Variants in PLCE1 observed in about 807,000 individuals in gnomAD.
PLCE1 encodes the protein 1-phosphatidylinositol 4,5-bisphosphate phosphodiesterase epsilon-1.
PLCE1 carries 119 observed loss-of-function variants against 242.8 expected under a neutral mutation model. The ratio of observed to expected loss-of-function variants is 0.49; its 90% CI spans 0.42 to 0.57. PLCE1 has a LOEUF of 0.57. Ranked by LOEUF, PLCE1 falls within the 20% of genes least tolerant of loss-of-function variation. The probability of loss-of-function intolerance (pLI) is 0.00; values close to 1 mark genes in which losing one functional copy is unlikely to be tolerated. For synonymous variants in PLCE1, 945 were observed against 1,017.4 expected, an observed-to-expected ratio of 0.93 and a Z score of 1.35; for missense variants, 2,441 against 2,788.8, an observed-to-expected ratio of 0.88 and a Z score of 2.81.
At chr10:94,086,669 T>C (rs544791536) in intron 2 of PLCE1, among the ~76,000 whole-genome samples, 23 of 152,310 alleles carry the variant, frequency 1.5e-4, no homozygotes, top group Non-Finnish European at 2.1e-4. Flanking sequence ...TATAATTGAA[T>C]GTATGGGTTG....
intron 20 of PLCE1, chr10:94,283,292 A>G (rs1304039841): frequency 6.4e-6 from 1 of 156,198 alleles, no homozygotes; most frequent in Non-Finnish European, 1.4e-5. Flanking sequence ...ATTGCACCCA[A>G]TAATAAGTCT....
chr10:94,239,405 A>G (rs1490692044), intron 7 of PLCE1, among the ~76,000 whole-genome samples: 1 of 152,182 alleles, frequency 6.6e-6, no homozygotes, highest in Non-Finnish European at 1.5e-5. Flanking sequence ...CCACCTTGTG[A>G]AGAGGATGCA....
At chr10:94,252,125 C>T (rs775645508) in intron 8 of PLCE1, among the ~76,000 whole-genome samples, 191 bp from the exon 9 acceptor site, 3 of 152,178 alleles carry the variant, frequency 2.0e-5, no homozygotes, top group Admixed American at 6.5e-5. Context: ...ACCAGGACAA[C>T]GGGGGACATG....
At chr10:94,185,386 C>G (rs1011388247) in intron 4 of PLCE1, among the ~76,000 whole-genome samples, 1 of 152,166 alleles carries the variant, frequency 6.6e-6, no homozygotes, top group Non-Finnish European at 1.5e-5. Flanking sequence ...ATCCCAGCTA[C>G]TTGGGAGTCT....
At chr10:94,262,086 C>T (rs749854947) in intron 13 of PLCE1, among the ~76,000 whole-genome samples, 35 of 151,536 alleles carry the variant, frequency 2.3e-4, no homozygotes, top group African/African-American at 7.5e-4. Context: ...CTGCAACCGC[C>T]GCCTCCTGGG....
At chr10:94,174,775 A>G (rs913489767) in intron 4 of PLCE1, among the ~76,000 whole-genome samples, 1 of 152,198 alleles carries the variant, frequency 6.6e-6, no homozygotes, top group Non-Finnish European at 1.5e-5. Context: ...AAATTGAGGA[A>G]CTGTTAAAGG....
intron 3 of PLCE1, among the ~76,000 whole-genome samples, chr10:94,163,774 T>C (rs966918071): frequency 6.6e-6 from 1 of 152,204 alleles, no homozygotes; most frequent in African/African-American, 2.4e-5. Flanking sequence ...CAATTTGGCA[T>C]GTTTTTGCGG....
intron 24 of PLCE1, among the ~76,000 whole-genome samples, chr10:94,299,616 G>A (rs189738053): frequency 5.9e-5 from 9 of 152,266 alleles, no homozygotes; most frequent in African/African-American, 9.6e-5. Flanking sequence ...TTCATCTCGC[G>A]TGAACTGAAT....
intron 2 of PLCE1, among the ~76,000 whole-genome samples, chr10:94,103,072 G>A (rs1331491681): frequency 1.3e-5 from 2 of 152,160 alleles, no homozygotes; most frequent in African/African-American, 4.8e-5. Flanking sequence ...TCTAAAGATA[G>A]ATATACCAAA....
chr10:94,235,870 A>G, intron 6 of PLCE1, 45 bp from the exon 7 acceptor site: 3 of 1,532,522 alleles, frequency 2.0e-6, no homozygotes, highest in African/African-American at 2.7e-5. Flanking sequence ...TATGTTATCC[A>G]GGCATATTAA....
intron 4 of PLCE1, among the ~76,000 whole-genome samples, chr10:94,183,188 C>T (rs935083077): frequency 6.6e-6 from 1 of 152,102 alleles, no homozygotes; most frequent in African/African-American, 2.4e-5. Flanking sequence ...CATGTGAGAG[C>T]CAAGGAGGAA....
rs113302233 is a variant in PLCE1 at position 94,003,755 on chromosome 10, G to A, written c.-365+9497G>A. Among the ~76,000 whole-genome samples the A allele has an allele frequency of 5.0e-3, 758 of 152,234 alleles. 9 individuals carry two copies. The highest frequency in any genetic ancestry group is 0.017 in the African/African-American group (701 of 41,532). ...GAGAATGAAGTGCACACCATGGATT[G>A]GGTAATTGGGGCTTGTGCTCTTGTA... On this transcript the variant is annotated intron_variant, in intron 1 of 32. Coordinates refer to ENST00000371380, the MANE Select transcript of PLCE1 (RefSeq NM_016341.4).
At chr10:94,151,381 G>C (rs1564735436) in intron 3 of PLCE1, among the ~76,000 whole-genome samples, 2 of 152,172 alleles carry the variant, frequency 1.3e-5, no homozygotes, top group African/African-American at 4.8e-5. Flanking sequence ...CAAGACAACT[G>C]GTGGGCAAAT....
At chr10:94,268,006 C>T (rs1352623540) in intron 16 of PLCE1, among the ~76,000 whole-genome samples, 1 of 152,166 alleles carries the variant, frequency 6.6e-6, no homozygotes, top group Non-Finnish European at 1.5e-5. Context: ...TGGGTAGGCA[C>T]ATTTACAGAT....
intron 22 of PLCE1, among the ~76,000 whole-genome samples, chr10:94,288,222 C>T (rs564887536): frequency 2.0e-5 from 3 of 152,268 alleles, no homozygotes; most frequent in South Asian, 4.1e-4. Flanking sequence ...TTTCATCCCT[C>T]ACCTCCCTCC....
chr10:94,093,068 G>A (rs865799910), intron 2 of PLCE1, among the ~76,000 whole-genome samples: 3 of 152,154 alleles, frequency 2.0e-5, no homozygotes, highest in Non-Finnish European at 4.4e-5. Flanking sequence ...GGACAGGTTG[G>A]CCTTCATCCA....
At chr10:94,143,746 T>C (rs1045216027) in intron 3 of PLCE1, among the ~76,000 whole-genome samples, 3 of 152,228 alleles carry the variant, frequency 2.0e-5, no homozygotes, top group African/African-American at 7.2e-5. Context: ...TATTATACTA[T>C]CATCAGGAAA....
intron 17 of PLCE1, among the ~76,000 whole-genome samples, chr10:94,269,396 G>A (rs112704083): frequency 1.3e-5 from 2 of 152,138 alleles, no homozygotes; most frequent in Admixed American, 6.5e-5. Context: ...GAGCCACCGT[G>A]CCTGGCCTTC....
At chr10:94,043,361 A>G (rs979754280) in intron 2 of PLCE1, among the ~76,000 whole-genome samples, 15 of 152,196 alleles carry the variant, frequency 9.9e-5, no homozygotes, top group African/African-American at 3.6e-4. Flanking sequence ...TTCATTTTCA[A>G]CTTGAGATTA....
Sources: gnomAD v4.1 joint callset for allele counts (sites outside exome capture counted in the v4.1 genomes callset) on GRCh38, gnomAD v4.1.1 for gene constraint, MANE v1.5 for transcripts, NCBI Gene and HGNC (gene_info 2026-07-23, HGNC 2026-07-21) for gene names.